Variants in OBI1 observed in about 807,000 individuals in gnomAD.
OBI1 encodes ring finger protein 219.
A neutral mutation model predicts 62.4 loss-of-function variants in OBI1; 59 were observed. That is an observed-to-expected ratio of 0.95 (90% CI 0.77 to 1.17). The LOEUF (loss-of-function observed/expected upper bound fraction) is 1.17. Ranked by LOEUF, OBI1 falls within the 50% of genes most tolerant of loss-of-function variation. OBI1 has a pLI of 0.00. For synonymous variants in OBI1, 302 were observed against 292.8 expected (o/e 1.03, Z -0.32); for missense variants, 875 against 830.9 (o/e 1.05, Z -0.65).
intron 3 of OBI1, among the ~76,000 whole-genome samples, chr13:78,639,947 C>G (rs1199659587): frequency 6.6e-6 from 1 of 150,784 alleles, no homozygotes; most frequent in Non-Finnish European, 1.5e-5. Flanking sequence ...ACATAGGTAA[C>G]TAACCTGCAC....
intron 1 of OBI1, among the ~76,000 whole-genome samples, chr13:78,653,626 G>T (rs528013037): frequency 2.6e-5 from 4 of 152,130 alleles, no homozygotes; most frequent in African/African-American, 9.7e-5. Context: ...AATACAGGAC[G>T]ATGTGCCTGA....
chr13:78,658,837 C>T (rs1876791898), intron 1 of OBI1, among the ~76,000 whole-genome samples: 1 of 152,176 alleles, frequency 6.6e-6, no homozygotes, highest in Admixed American at 6.5e-5. Context: ...GCCGCTGTCA[C>T]CCTCCTCCGA....
chr13:78,624,641 C>T (rs1209103290), intron 5 of OBI1, among the ~76,000 whole-genome samples: 1 of 152,054 alleles, frequency 6.6e-6, no homozygotes. Context: ...TTCTGAGATG[C>T]CTTAGAAATT....
At chr13:78,622,846 T>C (rs896115403) in intron 5 of OBI1, among the ~76,000 whole-genome samples, 2 of 151,960 alleles carry the variant, frequency 1.3e-5, no homozygotes, top group African/African-American at 4.8e-5. Flanking sequence ...GCAGGGTGGG[T>C]GGGGCACAAT....
Position 78,616,236 on chromosome 13 carries a change from T to A in OBI1, c.1525A>T (p.Lys509Ter). ...LSEKSGLCLS[K>*]RLNSIRSFEM... Reference sequence around the variant, plus strand: ...AAAGAGCGAATAGAATTCAACCTTTTGGATAAACATAAGCCTGATTTCTCA... The same window carrying A: ...AAAGAGCGAATAGAATTCAACCTTTAGGATAAACATAAGCCTGATTTCTCA... The change falls in exon 6 of 6, where the codon AAA becomes TAA. Residue 509 changes from lysine (K) to a stop codon, truncating the protein, a stop_gained. Coordinates refer to ENST00000282003, the MANE Select transcript of OBI1 (RefSeq NM_024546.4). LOFTEE classifies it high-confidence loss of function. 1.2e-6 allele frequency: 2 copies of A among 1,613,958 alleles called. No individual in the cohort carries two copies. Among genetic ancestry groups the A allele is most frequent in the Non-Finnish European group, 1.7e-6 (2 of 1,179,878 alleles).
chr13:78,651,586 C>T (rs1197616316), intron 1 of OBI1, among the ~76,000 whole-genome samples: 1 of 152,102 alleles, frequency 6.6e-6, no homozygotes, highest in African/African-American at 2.4e-5. Flanking sequence ...GATATATCCT[C>T]CTGGTCTCTC....
chr13:78,631,160 C>CT (rs1875835875), intron 5 of OBI1, among the ~76,000 whole-genome samples: 1 of 152,000 alleles, frequency 6.6e-6, no homozygotes, highest in South Asian at 2.1e-4. Flanking sequence ...AGGAGTTATG[C>CT]TTTTTTCATT....
At chr13:78,626,601 A>G (rs1875674139) in intron 5 of OBI1, among the ~76,000 whole-genome samples, 1 of 152,322 alleles carries the variant, frequency 6.6e-6, no homozygotes, top group Non-Finnish European at 1.5e-5. Flanking sequence ...ATTAACCAGG[A>G]AGAATAAAAA....
intron 4 of OBI1, among the ~76,000 whole-genome samples, chr13:78,637,308 A>C (rs1176737946): frequency 1.3e-5 from 2 of 152,172 alleles, no homozygotes; most frequent in Non-Finnish European, 2.9e-5. Context: ...CCAGTTTATA[A>C]CCTATTACCT....
intron 1 of OBI1, among the ~76,000 whole-genome samples, chr13:78,655,813 CT>C (rs1216620311): frequency 6.6e-6 from 1 of 152,186 alleles, no homozygotes; most frequent in Non-Finnish European, 1.5e-5. Flanking sequence ...TAGGAACATT[CT>C]TAGAAGTGGC....
chr13:78,644,361 C>T (rs539468586), intron 2 of OBI1, among the ~76,000 whole-genome samples: 19 of 152,306 alleles, frequency 1.2e-4, no homozygotes, highest in Middle Eastern at 6.8e-3. Flanking sequence ...TCTCAGTAGT[C>T]GGACCCAAAG....
At chr13:78,655,345 A>AAAC (rs1483554310) in intron 1 of OBI1, among the ~76,000 whole-genome samples, 6 of 2,058 alleles carry the variant, frequency 2.9e-3, no homozygotes, top group Admixed American at 0.016. Flanking sequence ...ACAAACAAAC[A>AAAC]AAAAAAAAAC....
chr13:78,626,594 A>C (rs9601101), intron 5 of OBI1, among the ~76,000 whole-genome samples: 39,006 of 152,070 alleles, frequency 0.26, 5,339 homozygotes, highest in East Asian at 0.32. Context: ...GACAGGGATT[A>C]ACCAGGAAGA....
intron 1 of OBI1, among the ~76,000 whole-genome samples, chr13:78,653,342 G>A (rs1876600339): frequency 6.6e-6 from 1 of 152,178 alleles, no homozygotes; most frequent in African/African-American, 2.4e-5. Context: ...ACTGCCCCAT[G>A]TCCCTGGGGG....
Position 78,627,985 on chromosome 13 carries a change from AGGAGCTTAGAGTTTAAAAT to A in OBI1, c.638+7106_638+7124del, listed in dbSNP as rs376953534. Among the ~76,000 whole-genome samples the A allele has an allele frequency of 7.9e-3, 1,207 of 152,318 alleles. 9 individuals are homozygous for A. The highest frequency in any genetic ancestry group is 0.033 in the South Asian group (160 of 4,828). ...TTGGAAATGAAGGGGATAGGCAGCAAGGAGCTTAGAGTTTAAAATGGAGCTTAGAGTTTAGAATGGAGGA... is the reference window on the plus strand; with the variant it reads ...TTGGAAATGAAGGGGATAGGCAGCAAGGAGCTTAGAGTTTAGAATGGAGGA... On this transcript the variant is annotated intron_variant, in intron 5 of 5. Coordinates refer to ENST00000282003, the MANE Select transcript of OBI1 (RefSeq NM_024546.4).
At chr13:78,640,693 G>T (rs1876186009) in intron 3 of OBI1, among the ~76,000 whole-genome samples, 1 of 152,134 alleles carries the variant, frequency 6.6e-6, no homozygotes, top group Admixed American at 6.5e-5. Flanking sequence ...CCAGCTACTT[G>T]AGAGGCTGAG....
At chr13:78,632,294 C>T (rs1412791691) in intron 5 of OBI1, among the ~76,000 whole-genome samples, 4 of 152,122 alleles carry the variant, frequency 2.6e-5, no homozygotes, top group Admixed American at 2.6e-4. Flanking sequence ...CCCGACCCTG[C>T]CAAATTCTGA....
intron 1 of OBI1, among the ~76,000 whole-genome samples, chr13:78,651,554 T>C (rs148798772): frequency 6.6e-6 from 1 of 152,140 alleles, no homozygotes; most frequent in African/African-American, 2.4e-5. Context: ...TCCCTATTTA[T>C]AGAGCTTCCA....
rs767115602 is a variant in OBI1 at position 78,617,057 on chromosome 13, C to T, written c.704G>A (p.Arg235His). The change falls in exon 6 of 6, where the codon CGC (arginine) becomes CAC (histidine). Residue 235 changes from arginine to histidine, a missense_variant. Transcript: ENST00000282003. ...KVEQYERETN[R>H]LKKALERSDK... ...ACTTCGTTCCAGGGCTTTCTTGAGGCGATTGGTTTCACGCTCATACTGTTC... is the reference window on the plus strand; with the variant it reads ...ACTTCGTTCCAGGGCTTTCTTGAGGTGATTGGTTTCACGCTCATACTGTTC... 2.4e-5 allele frequency: 38 copies of T among 1,611,472 alleles called. No homozygotes were observed. In the South Asian group the frequency reaches 3.3e-4, roughly 14 times the overall value.
Sources: allele counts gnomAD v4.1 joint callset (sites outside exome capture counted in the v4.1 genomes callset), GRCh38; gene constraint gnomAD v4.1.1; transcripts MANE v1.5; gene names NCBI Gene and HGNC (gene_info 2026-07-23, HGNC 2026-07-21).